TSPEAR: variants seen among roughly 807,000 people sequenced by gnomAD.
The protein encoded by TSPEAR is thrombospondin-type laminin G domain and EAR repeat-containing protein.
TSPEAR carries 69 observed loss-of-function variants against 71.6 expected under a neutral mutation model. The observed-to-expected ratio is 0.96, with a 90% CI of 0.79 to 1.18. The LOEUF is 1.18. Among genes scored for constraint, TSPEAR ranks in the 50% most tolerant of loss-of-function variants. TSPEAR has a pLI of 0.00. For synonymous variants in TSPEAR, 402 were observed against 387.2 expected (o/e 1.04, Z -0.45); for missense variants, 971 against 894.9 (o/e 1.09, Z -1.09).
At chr21:44,655,808 C>A (rs1438306739) in intron 1 of TSPEAR, among the ~76,000 whole-genome samples, 1 of 152,176 alleles carries the variant, frequency 6.6e-6, no homozygotes, top group Non-Finnish European at 1.5e-5. Flanking sequence ...TCTCTCAGGG[C>A]AGAGCTACTC....
chr21:44,694,164 G>A (rs539181382), intron 1 of TSPEAR, among the ~76,000 whole-genome samples: 5 of 152,314 alleles, frequency 3.3e-5, no homozygotes, highest in African/African-American at 1.2e-4. Context: ...ATGGTGCTGG[G>A]AAAACTAGAT....
chr21:44,522,523 T>G (rs2052756134), intron 8 of TSPEAR, among the ~76,000 whole-genome samples: 1 of 151,932 alleles, frequency 6.6e-6, no homozygotes, highest in Non-Finnish European at 1.5e-5. Flanking sequence ...GCTCCCCCAT[T>G]GGGTGGGTCG....
chr21:44,548,305 G>A (rs1555918003), intron 2 of TSPEAR, among the ~76,000 whole-genome samples: 1 of 152,196 alleles, frequency 6.6e-6, no homozygotes, highest in African/African-American at 2.4e-5. Flanking sequence ...TGGGGGATGG[G>A]GCAAGGGGGA....
intron 10 of TSPEAR, 112 bp from the exon 11 acceptor site, chr21:44,504,993 G>T: frequency 1.3e-6 from 1 of 746,140 alleles, no homozygotes; most frequent in Non-Finnish European, 2.3e-6. Flanking sequence ...GGCCAAAGTG[G>T]GGAGTGATTT....
intron 2 of TSPEAR, among the ~76,000 whole-genome samples, chr21:44,545,387 G>A (rs2053287775): frequency 6.6e-6 from 1 of 151,336 alleles, no homozygotes; most frequent in Non-Finnish European, 1.5e-5. Context: ...AAGAAATAGA[G>A]GACTTGAAGA....
chr21:44,702,486 C>A (rs1987703458), intron 1 of TSPEAR: 1 of 1,608,700 alleles, frequency 6.2e-7, no homozygotes, highest in Admixed American at 1.7e-5. Context: ...CCGTCTGCTG[C>A]AAGCCTGTCT....
At chr21:44,650,735 G>GC (rs2146248896) in intron 1 of TSPEAR, among the ~76,000 whole-genome samples, 1 of 152,340 alleles carries the variant, frequency 6.6e-6, no homozygotes, top group South Asian at 2.1e-4. Flanking sequence ...TCCAGCTCCA[G>GC]CCCCCAGTGA....
At position 44,567,893 on chromosome 21, in the gene TSPEAR, G is replaced by A. The variant is rs1192666221; in HGVS notation, c.195C>T (p.Ala65=). ...GARGLQLSVA[A]PRTMSFPASR... Reference sequence around the variant, plus strand: ...ATGCTGGGAAGCTCATGGTGCGGGGGGCGGCTACTGAGAGCTGGAGTCCCC... The same window carrying A: ...ATGCTGGGAAGCTCATGGTGCGGGGAGCGGCTACTGAGAGCTGGAGTCCCC... Residue 65 remains alanine, a synonymous_variant, in exon 2 of 12, where the codon GCC becomes GCT. Transcript: ENST00000323084. 7 of 1,608,890 alleles carry A rather than the reference G, an allele frequency of 4.4e-6. No individual in the cohort carries two copies. The highest frequency in any genetic ancestry group is 5.9e-6 in the Non-Finnish European group (7 of 1,176,750).
intron 1 of TSPEAR, chr21:44,690,586 A>C (rs1400392811): frequency 1.0e-6 from 1 of 985,366 alleles, no homozygotes; most frequent in Admixed American, 6.1e-5. Flanking sequence ...CATTCAGCCC[A>C]CGCTTTCAAA....
chr21:44,517,798 G>GA (rs1555913660), intron 9 of TSPEAR: 1 of 471,246 alleles, frequency 2.1e-6, no homozygotes, highest in Admixed American at 2.3e-5. Flanking sequence ...CTGCCGATGG[G>GA]AAATCCCAGG....
At chr21:44,655,675 C>G (rs1271930996) in intron 1 of TSPEAR, among the ~76,000 whole-genome samples, 1 of 152,194 alleles carries the variant, frequency 6.6e-6, no homozygotes, top group Non-Finnish European at 1.5e-5. Context: ...TGCCCCTGAA[C>G]TTGGGAAGCA....
intron 1 of TSPEAR, among the ~76,000 whole-genome samples, chr21:44,617,857 A>G (rs1307345968): frequency 1.3e-5 from 2 of 152,156 alleles, no homozygotes; most frequent in Non-Finnish European, 2.9e-5. Context: ...TCCACTATAT[A>G]CCTTTCCACA....
intron 1 of TSPEAR, among the ~76,000 whole-genome samples, chr21:44,637,044 G>A (rs1373976429): frequency 6.6e-6 from 1 of 152,198 alleles, no homozygotes; most frequent in East Asian, 1.9e-4. Flanking sequence ...GCCTCCCCCA[G>A]GCTGAGGGCC....
At chr21:44,639,834 C>T (rs1429910077) in intron 1 of TSPEAR, among the ~76,000 whole-genome samples, 2 of 152,174 alleles carry the variant, frequency 1.3e-5, no homozygotes, top group East Asian at 1.9e-4. Context: ...TCCAAGGCAC[C>T]GACAGGACCC....
intron 1 of TSPEAR, among the ~76,000 whole-genome samples, chr21:44,606,521 T>A (rs1981327002): frequency 1.3e-5 from 2 of 152,156 alleles, no homozygotes; most frequent in African/African-American, 4.8e-5. Context: ...CCACTTCTGG[T>A]TTTATATCTA....
At chr21:44,574,805 C>T (rs1443766498) in intron 1 of TSPEAR, 1 of 1,614,120 alleles carries the variant, frequency 6.2e-7, no homozygotes. Flanking sequence ...AGCCAGCTTG[C>T]TGCACCACCT....
intron 1 of TSPEAR, among the ~76,000 whole-genome samples, chr21:44,689,712 A>AATGAAAATATATATATATATATATATAT (rs781858508): frequency 1.6e-5 from 1 of 62,038 alleles, no homozygotes; most frequent in Non-Finnish European, 2.8e-5. Flanking sequence ...GAATAGAATG[A>AATGAAAATATATATATATATATATATAT]ATATATATAT....
At chr21:44,676,348 G>A (rs1478959798) in intron 1 of TSPEAR, 2 of 1,143,854 alleles carry the variant, frequency 1.7e-6, no homozygotes, top group Non-Finnish European at 1.3e-6. Flanking sequence ...GGCTTTGATG[G>A]CCTCAACTGC....
intron 1 of TSPEAR, among the ~76,000 whole-genome samples, chr21:44,596,931 T>C (rs1450139965): frequency 5.6e-4 from 85 of 152,368 alleles, no homozygotes; most frequent in Non-Finnish European, 2.1e-4. Context: ...TCCCATATTG[T>C]TGTCTTTTGA....
Sources: gnomAD v4.1 joint callset for allele counts (sites outside exome capture counted in the v4.1 genomes callset) on GRCh38, gnomAD v4.1.1 for gene constraint, MANE v1.5 for transcripts, NCBI Gene and HGNC (gene_info 2026-07-23, HGNC 2026-07-21) for gene names.